The following ELF2 variants were observed in gnomAD, a reference collection of about 807,000 sequenced individuals.
The protein encoded by ELF2 is ETS-related transcription factor Elf-2.
ELF2 carries 11 observed loss-of-function variants against 54.8 expected under a neutral mutation model. That is an observed-to-expected ratio of 0.20 (90% CI 0.13 to 0.33). The LOEUF is 0.33. ELF2 is among the 10% of genes least tolerant of loss of function. The pLI is 1.00. For synonymous variants in ELF2, 203 were observed against 245.1 expected (o/e 0.83, Z 1.61); for missense variants, 513 against 703.0 (o/e 0.73, Z 3.06).
intron 4 of ELF2, among the ~76,000 whole-genome samples, chr4:139,097,565 C>A (rs1733412030): frequency 6.9e-6 from 1 of 145,788 alleles, no homozygotes. Context: ...TTCAATGAGC[C>A]AAGATCATGC....
chr4:139,073,635 A>G (rs1729843466), intron 4 of ELF2, 68 bp from the exon 5 acceptor site: 1 of 801,824 alleles, frequency 1.2e-6, no homozygotes, highest in African/African-American at 1.8e-5. Flanking sequence ...TATTACTAAG[A>G]AATAAACATA....
Position 139,059,281 on chromosome 4 carries a change from G to C in ELF2, c.1484C>G (p.Ala495Gly). ...NIVGTPLAVR[A>G]LTPVSIAHGT... ...ATGGGCTATTGAAACAGGGGTAAGTGCTCTCACAGCCAATGGGGTTCCAAC... is the reference window on the plus strand; with the variant it reads ...ATGGGCTATTGAAACAGGGGTAAGTCCTCTCACAGCCAATGGGGTTCCAAC... Residue 495 changes from alanine (A) to glycine (G), a missense_variant, in exon 10 of 10, where the codon GCA becomes GGA. Transcript: ENST00000686138. The C allele has an allele frequency of 6.2e-7, 1 of 1,613,914 alleles. No homozygotes were observed. Among genetic ancestry groups the C allele is most frequent in the Non-Finnish European group, 8.5e-7 (1 of 1,179,868 alleles).
intron 1 of ELF2, among the ~76,000 whole-genome samples, chr4:139,163,733 A>G (rs1741398768): frequency 1.3e-5 from 2 of 152,068 alleles, no homozygotes; most frequent in South Asian, 4.1e-4. Flanking sequence ...GTTCAACACA[A>G]TGAAACCCCG....
intron 4 of ELF2, among the ~76,000 whole-genome samples, chr4:139,089,043 C>T (rs989577828): frequency 2.0e-5 from 3 of 152,196 alleles, no homozygotes; most frequent in East Asian, 1.9e-4. Flanking sequence ...AGGCGTGAGC[C>T]GCCGTGCCTG....
chr4:139,169,725 C>T (rs1219150111), intron 1 of ELF2, among the ~76,000 whole-genome samples: 1 of 151,832 alleles, frequency 6.6e-6, no homozygotes, highest in African/African-American at 2.4e-5. Flanking sequence ...GGCATGGTGG[C>T]GGGCGCCTAT....
intron 4 of ELF2, among the ~76,000 whole-genome samples, chr4:139,088,367 T>TA (rs1335617361): frequency 1.3e-5 from 2 of 151,726 alleles, no homozygotes; most frequent in Non-Finnish European, 2.9e-5. Context: ...CCAAAAGGAA[T>TA]ATTTAGATTA....
rs192709410 is a variant in ELF2, at chr4:139,137,500, C to T, written c.72+130G>A. ...ATTACCTAAATTATATAAGGATACA[C>T]GACATGTACATGTATAATTTCATGC... On this transcript the variant is annotated intron_variant, in intron 3 of 9. Transcript: ENST00000686138. The T allele has an allele frequency of 1.0e-3, 911 of 894,776 alleles. 8 individuals are homozygous for T. In the Middle Eastern group the frequency reaches 0.023, roughly 23 times the overall value. 55.4% of individuals were successfully genotyped at this position (894,776 alleles called of 1,614,324 possible).
chr4:139,172,398 T>C (rs548030136), intron 1 of ELF2, among the ~76,000 whole-genome samples: 3 of 152,328 alleles, frequency 2.0e-5, no homozygotes, highest in South Asian at 2.1e-4. Flanking sequence ...CCTCATACCA[T>C]GCCCCTCTGC....
chr4:139,143,890 T>C (rs1738956105), intron 1 of ELF2, among the ~76,000 whole-genome samples: 1 of 152,042 alleles, frequency 6.6e-6, no homozygotes, highest in Non-Finnish European at 1.5e-5. Flanking sequence ...TGAGAAGACC[T>C]TAAATACACC....
chr4:139,140,768 AG>A (rs1738627452), intron 1 of ELF2, among the ~76,000 whole-genome samples: 1 of 151,714 alleles, frequency 6.6e-6, no homozygotes, highest in African/African-American at 2.4e-5. Flanking sequence ...AAAAAAAAAA[AG>A]GAAAAGTCCT....
chr4:139,147,991 G>C (rs1285557129), intron 1 of ELF2, among the ~76,000 whole-genome samples: 2 of 150,906 alleles, frequency 1.3e-5, no homozygotes, highest in African/African-American at 4.9e-5. Flanking sequence ...TCTCCATGTT[G>C]ATCAGGCTGG....
chr4:139,091,934 TACACATATATATAC>T (rs1271396260), intron 4 of ELF2, among the ~76,000 whole-genome samples: 7 of 148,842 alleles, frequency 4.7e-5, no homozygotes, highest in South Asian at 2.1e-4. Context: ...CACATATATA[TACACATATATATAC>T]ACACATATAT....
chr4:139,067,718 C>T lies in ELF2; in HGVS notation c.579G>A (p.Glu193=). 1 of 1,610,392 alleles carries T rather than the reference C, an allele frequency of 6.2e-7. No homozygotes were observed. Among genetic ancestry groups the T allele is most frequent in the Non-Finnish European group, 8.5e-7 (1 of 1,177,354 alleles). Residue 193 remains glutamate (E), a synonymous_variant, in exon 7 of 10, where the codon GAG becomes GAA. Coordinates refer to ENST00000686138, the MANE Select transcript of ELF2 (RefSeq NM_001331036.3). Reference sequence around the variant, plus strand: ...CTCTTGGTTTCTTCTTTATACCTAACTCAGGAGACCCATTGGAAATTGGTG... The same window carrying T: ...CTCTTGGTTTCTTCTTTATACCTAATTCAGGAGACCCATTGGAAATTGGTG... ...QQSPISNGSP[E]LGIKKKPREG...
intron 4 of ELF2, among the ~76,000 whole-genome samples, chr4:139,081,115 A>C (rs1731051111): frequency 6.6e-6 from 1 of 152,182 alleles, no homozygotes; most frequent in Non-Finnish European, 1.5e-5. Flanking sequence ...ACAGCTAGAT[A>C]TAGATCCTCA....
intron 1 of ELF2, 58 bp from the exon 2 acceptor site, chr4:139,139,555 G>T: frequency 2.1e-6 from 2 of 945,460 alleles, no homozygotes; most frequent in Non-Finnish European, 1.4e-6. Context: ...AAAGCACTAT[G>T]CTCAAACAGA....
chr4:139,090,698 G>A (rs569326889), intron 4 of ELF2, among the ~76,000 whole-genome samples: 44 of 152,178 alleles, frequency 2.9e-4, no homozygotes, highest in South Asian at 1.7e-3. Context: ...AGGCTCAAAC[G>A]ATTCTCGTGC....
chr4:139,084,330 C>G, intron 4 of ELF2: 1 of 1,552,290 alleles, frequency 6.4e-7, no homozygotes, highest in Non-Finnish European at 8.7e-7. Context: ...CACTCCGACG[C>G]CCGGATCCTT....
intron 4 of ELF2, among the ~76,000 whole-genome samples, chr4:139,101,178 A>C (rs1733842790): frequency 6.6e-6 from 1 of 152,274 alleles, no homozygotes; most frequent in East Asian, 1.9e-4. Context: ...CTATTATAAC[A>C]CTAATATTAT....
chr4:139,170,096 G>C (rs1742126863), intron 1 of ELF2, among the ~76,000 whole-genome samples: 1 of 151,978 alleles, frequency 6.6e-6, no homozygotes, highest in African/African-American at 2.4e-5. Flanking sequence ...CTAACTGTTA[G>C]AGTTAAAACT....
Sources: allele counts gnomAD v4.1 joint callset (sites outside exome capture counted in the v4.1 genomes callset), GRCh38; gene constraint gnomAD v4.1.1; transcripts MANE v1.5; gene names NCBI Gene and HGNC (gene_info 2026-07-23, HGNC 2026-07-21).